TNR: variants seen among roughly 807,000 people sequenced by gnomAD.
TNR encodes the protein tenascin-R.
A neutral mutation model predicts 150.4 loss-of-function variants in TNR; 45 were observed. That is an observed-to-expected ratio of 0.30 (90% CI 0.24 to 0.38). The LOEUF is 0.38. TNR is among the 10% of genes least tolerant of loss of function. The probability of loss-of-function intolerance (pLI) is 1.00; values close to 1 mark genes in which losing one functional copy is unlikely to be tolerated. For synonymous variants in TNR, 687 were observed against 678.4 expected (o/e 1.01, Z -0.20); for missense variants, 1,544 against 1,759.1 (o/e 0.88, Z 2.19).
At chr1:175,484,776 C>G (rs1657940339) in intron 2 of TNR, among the ~76,000 whole-genome samples, 1 of 152,162 alleles carries the variant, frequency 6.6e-6, no homozygotes, top group African/African-American at 2.4e-5. Flanking sequence ...GCAGAGATGT[C>G]TTTGAGGGGA....
At chr1:175,371,765 T>C (rs535730010) in intron 9 of TNR, among the ~76,000 whole-genome samples, 1 of 152,288 alleles carries the variant, frequency 6.6e-6, no homozygotes, top group African/African-American at 2.4e-5. Context: ...GTCACAAAAC[T>C]GATACATGAT....
intron 2 of TNR, among the ~76,000 whole-genome samples, chr1:175,426,040 G>C (rs1654953858): frequency 6.6e-6 from 1 of 152,130 alleles, no homozygotes. Context: ...AAATCAACCT[G>C]GAACTGGACC....
At chr1:175,569,742 A>T (rs908126279) in intron 1 of TNR, among the ~76,000 whole-genome samples, 11 of 152,188 alleles carry the variant, frequency 7.2e-5, no homozygotes, top group African/African-American at 2.7e-4. Flanking sequence ...ATATTTTTGG[A>T]TTTGCAAAGA....
In TNR at chr1:175,337,565, A is replaced by G. The variant is rs769761170; in HGVS notation, c.3497T>C (p.Val1166Ala). Residue 1166 changes from valine to alanine, a missense_variant, in exon 19 of 23, where the codon GTG becomes GCG. Physicochemically the swap from Val to Ala is moderately conservative, Grantham distance 64. Transcript: ENST00000367674. The stretch of plus-strand genomic sequence containing the variant: ...CCCGTCGGTGGTCATATCACAGTAC[A>G]CTTGTAATTTCTGGCTCAGCTCCCC... ...LNGELSQKLQ[V>A]YCDMTTDGGG... is the part of the protein sequence containing the mutation. The G allele has an allele frequency of 1.4e-5, 23 of 1,613,892 alleles. No individual in the cohort carries two copies. The highest frequency in any genetic ancestry group is 1.9e-5 in the Non-Finnish European group (22 of 1,180,016).
chr1:175,356,621 T>A (rs1197019360), intron 15 of TNR, among the ~76,000 whole-genome samples, 159 bp from the exon 16 acceptor site: 1 of 152,224 alleles, frequency 6.6e-6, no homozygotes, highest in African/African-American at 2.4e-5. Context: ...TTTGCAAGGA[T>A]TCCCCTCTCA....
chr1:175,731,113 G>T (rs1168288439), intron 1 of TNR, among the ~76,000 whole-genome samples: 3 of 152,196 alleles, frequency 2.0e-5, no homozygotes, highest in Non-Finnish European at 4.4e-5. Context: ...CCCAGGCCCT[G>T]CCCAGTATCC....
chr1:175,583,947 G>C (rs941739062), intron 1 of TNR, among the ~76,000 whole-genome samples: 1 of 152,190 alleles, frequency 6.6e-6, no homozygotes, highest in Non-Finnish European at 1.5e-5. Flanking sequence ...GCCAGCACAG[G>C]GAAGCCAAGG....
chr1:175,451,220 G>GTT, intron 2 of TNR, among the ~76,000 whole-genome samples: 1 of 122,712 alleles, frequency 8.1e-6, no homozygotes, highest in South Asian at 2.4e-4. Context: ...TTTTTTTAAT[G>GTT]TTTTTATTTT....
chr1:175,666,088 G>C (rs544920916), intron 1 of TNR, among the ~76,000 whole-genome samples: 2 of 152,134 alleles, frequency 1.3e-5, no homozygotes. Context: ...GTCCTCTCAG[G>C]GGTGTTAGAT....
chr1:175,587,427 G>A (rs75407867), intron 1 of TNR, among the ~76,000 whole-genome samples: 5,936 of 152,220 alleles, frequency 0.039, 412 homozygotes, highest in African/African-American at 0.13. Context: ...ATAAAACTGA[G>A]GCAAAACCAC....
At chr1:175,331,074 T>TTTCC (rs1298611024) in intron 20 of TNR, among the ~76,000 whole-genome samples, 2 of 101,282 alleles carry the variant, frequency 2.0e-5, no homozygotes, top group East Asian at 2.7e-4. Context: ...TCTTTCTTTC[T>TTTCC]TTCCTTCTTT....
rs1661093349 is a variant in TNR at position 175,554,970 on chromosome 1, CAGG to C, written c.-164-26604_-164-26602del. On this transcript the variant is annotated intron_variant, in intron 1 of 22. Transcript: ENST00000367674. Reference sequence around the variant, plus strand: ...AGTCGGGAAGGGCTAGGCTAGAACACAGGTCTCTTTACTCTCTGGCCAGTGCTC... The same window carrying C: ...AGTCGGGAAGGGCTAGGCTAGAACACTCTCTTTACTCTCTGGCCAGTGCTC... 2.0e-5 allele frequency among the ~76,000 whole-genome samples: 3 copies of C among 152,324 alleles called. No individual in the cohort carries two copies. The South Asian group carries it at 6.2e-4, about 32-fold the overall frequency.
At position 175,668,764 on chromosome 1, in the gene TNR, T is replaced by A. The variant is rs1665604938; in HGVS notation, c.-165+74462A>T. Among the ~76,000 whole-genome samples, 3 of 152,294 alleles carry A rather than the reference T, an allele frequency of 2.0e-5. No individual in the cohort carries two copies. In the South Asian group the frequency reaches 6.2e-4, roughly 32 times the overall value. On this transcript the variant is annotated intron_variant, in intron 1 of 22. Coordinates refer to ENST00000367674, the MANE Select transcript of TNR (RefSeq NM_003285.3). Reference sequence around the variant, plus strand: ...CTCTACAAAGAAAGCAGCCTTACCTTCCTCTTAAAATTGAACAACTGAGGC... The same window carrying A: ...CTCTACAAAGAAAGCAGCCTTACCTACCTCTTAAAATTGAACAACTGAGGC...
intron 2 of TNR, among the ~76,000 whole-genome samples, chr1:175,512,156 A>G (rs16848541): frequency 0.013 from 1,963 of 152,298 alleles, 55 homozygotes; most frequent in African/African-American, 0.045. Context: ...CCCTAGAAAG[A>G]AGCATGTAAA....
At chr1:175,468,278 T>C (rs1657121160) in intron 2 of TNR, among the ~76,000 whole-genome samples, 1 of 152,300 alleles carries the variant, frequency 6.6e-6, no homozygotes, top group African/African-American at 2.4e-5. Context: ...GATTACCTTC[T>C]TTAAGATTTA....
intron 2 of TNR, among the ~76,000 whole-genome samples, chr1:175,470,943 G>A (rs770040693): frequency 2.6e-5 from 4 of 152,320 alleles, no homozygotes; most frequent in Non-Finnish European, 5.9e-5. Flanking sequence ...GCCACCAAAT[G>A]TAGCAGAGAG....
chr1:175,734,339 A>C (rs557770876), intron 1 of TNR, among the ~76,000 whole-genome samples: 12 of 152,332 alleles, frequency 7.9e-5, no homozygotes, highest in African/African-American at 2.6e-4. Flanking sequence ...AGACATGGCT[A>C]TTCTGAGAGG....
chr1:175,673,279 C>T (rs1448916110), intron 1 of TNR, among the ~76,000 whole-genome samples: 1 of 152,162 alleles, frequency 6.6e-6, no homozygotes, highest in African/African-American at 2.4e-5. Context: ...ATGGATGAAA[C>T]AATGGAGAGC....
intron 20 of TNR, 138 bp downstream of exon 20, chr1:175,335,573 G>A (rs1213497953): frequency 2.2e-5 from 17 of 763,360 alleles, no homozygotes; most frequent in Admixed American, 1.2e-4. Context: ...CAGAGCAAGA[G>A]GTTCTGAAAG....
Sources: gnomAD v4.1 joint callset for allele counts (sites outside exome capture counted in the v4.1 genomes callset) on GRCh38, gnomAD v4.1.1 for gene constraint, MANE v1.5 for transcripts, NCBI Gene and HGNC (gene_info 2026-07-23, HGNC 2026-07-21) for gene names.